Variants in NKAIN3 observed in about 807,000 individuals in gnomAD.
The protein encoded by NKAIN3 is sodium/potassium-transporting ATPase subunit beta-1-interacting protein 3.
In NKAIN3, 25 loss-of-function variants were observed where a neutral mutation model predicts 30.2. The ratio of observed to expected loss-of-function variants is 0.83; its 90% CI spans 0.60 to 1.16. The LOEUF (loss-of-function observed/expected upper bound fraction) is 1.16, where lower values mean the gene tolerates loss of function less well. NKAIN3 is among the 50% of genes most tolerant of loss of function. The pLI, the probability that NKAIN3 is intolerant of heterozygous loss-of-function variation, is 0.00. For missense variants in NKAIN3, 225 were observed against 254.1 expected (o/e 0.89, Z 0.78); for synonymous variants, 91 against 89.6 (o/e 1.02, Z -0.09).
At chr8:62,276,691 T>A (rs569510452) in intron 1 of NKAIN3, among the ~76,000 whole-genome samples, 2 of 152,344 alleles carry the variant, frequency 1.3e-5, no homozygotes, top group African/African-American at 4.8e-5. Flanking sequence ...AAAGTAATGT[T>A]CAAGAGAGTG....
At chr8:62,764,183 T>TG (rs1816763064) in intron 4 of NKAIN3, among the ~76,000 whole-genome samples, 2 of 152,338 alleles carry the variant, frequency 1.3e-5, no homozygotes, top group African/African-American at 4.8e-5. Flanking sequence ...CTGTCCAAGA[T>TG]GGTGATGTTC....
intron 1 of NKAIN3, among the ~76,000 whole-genome samples, chr8:62,292,174 G>A (rs1411574385): frequency 1.3e-5 from 2 of 149,664 alleles, no homozygotes; most frequent in Non-Finnish European, 2.9e-5. Flanking sequence ...ACACTGATGG[G>A]TCTTGACTCT....
intron 4 of NKAIN3, among the ~76,000 whole-genome samples, chr8:62,846,064 A>T (rs942547020): frequency 4.6e-5 from 7 of 152,160 alleles, no homozygotes; most frequent in Non-Finnish European, 8.8e-5. Flanking sequence ...AATCTCAATT[A>T]GAACTTGAAT....
chr8:62,915,507 G>C (rs150482779), intron 4 of NKAIN3, among the ~76,000 whole-genome samples: 1 of 152,154 alleles, frequency 6.6e-6, no homozygotes, highest in African/African-American at 2.4e-5. Context: ...CTTGATTTTA[G>C]CCTCGTAAGG....
chr8:62,513,317 C>T lies in NKAIN3; in HGVS notation c.55-66222C>T, dbSNP rs141053516. ...GACTGAAGCTAAATGCAACTATCTC[C>T]GTCAGCAAAATAGACCCAGTTGCTG... On this transcript the variant is annotated intron_variant, in intron 1 of 6. Transcript: ENST00000623646. Among the ~76,000 whole-genome samples the T allele has an allele frequency of 3.2e-3, 478 of 151,374 alleles. 2 individuals carry two copies. Among genetic ancestry groups the T allele is most frequent in the African/African-American group, 0.011 (451 of 41,222 alleles).
At chr8:62,607,984 C>T (rs896163766) in intron 3 of NKAIN3, among the ~76,000 whole-genome samples, 2 of 152,098 alleles carry the variant, frequency 1.3e-5, no homozygotes, top group African/African-American at 4.8e-5. Flanking sequence ...TATTCCTAAT[C>T]TGAAATCACA....
chr8:62,744,949 T>C (rs907731339), intron 3 of NKAIN3, among the ~76,000 whole-genome samples: 1 of 152,246 alleles, frequency 6.6e-6, no homozygotes, highest in African/African-American at 2.4e-5. Flanking sequence ...CTTATAATGA[T>C]ACTTTGAATT....
intron 3 of NKAIN3, among the ~76,000 whole-genome samples, chr8:62,597,135 C>A (rs535913616): frequency 6.6e-6 from 1 of 152,156 alleles, no homozygotes; most frequent in South Asian, 2.1e-4. Context: ...TCAGGTATGC[C>A]ACGGGTTGCA....
At chr8:62,807,176 G>A (rs1038166) in intron 4 of NKAIN3, among the ~76,000 whole-genome samples, 26,416 of 152,020 alleles carry the variant, frequency 0.17, 2,487 homozygotes, top group East Asian at 0.29. Context: ...TATTTCAAGC[G>A]AATAGAAAAT....
chr8:62,863,918 G>C (rs985194001), intron 4 of NKAIN3: 11 of 1,224,396 alleles, frequency 9.0e-6, no homozygotes, highest in Non-Finnish European at 1.2e-5. Flanking sequence ...TCCTCCTTTG[G>C]CTCTGGTGGT....
intron 1 of NKAIN3, among the ~76,000 whole-genome samples, chr8:62,322,682 T>C (rs1814976542): frequency 1.3e-5 from 2 of 152,328 alleles, no homozygotes; most frequent in South Asian, 4.1e-4. Context: ...TTCTAAGTTG[T>C]AAAGATCTTG....
At chr8:62,586,483 T>C (rs1174118582) in intron 2 of NKAIN3, among the ~76,000 whole-genome samples, 2 of 152,154 alleles carry the variant, frequency 1.3e-5, no homozygotes, top group African/African-American at 4.8e-5. Context: ...TGTCTTTTTT[T>C]CCCCTTTACT....
At chr8:62,408,927 T>C (rs1045837147) in intron 1 of NKAIN3, among the ~76,000 whole-genome samples, 1 of 152,196 alleles carries the variant, frequency 6.6e-6, no homozygotes, top group African/African-American at 2.4e-5. Flanking sequence ...GATGTAGTGT[T>C]TATTTTGAGT....
At chr8:62,354,152 C>T (rs1290862152) in intron 1 of NKAIN3, among the ~76,000 whole-genome samples, 4 of 152,106 alleles carry the variant, frequency 2.6e-5, no homozygotes, top group African/African-American at 7.2e-5. Context: ...AGAAAAACAA[C>T]GTTGTGATTA....
chr8:62,282,616 T>C (rs1317834137), intron 1 of NKAIN3, among the ~76,000 whole-genome samples: 1 of 152,194 alleles, frequency 6.6e-6, no homozygotes. Flanking sequence ...CATATGCCCC[T>C]TTGTATAATG....
chr8:62,809,425 A>T (rs184656912), intron 4 of NKAIN3, among the ~76,000 whole-genome samples: 1 of 152,302 alleles, frequency 6.6e-6, no homozygotes, highest in African/African-American at 2.4e-5. Context: ...GAAATTATAA[A>T]AGTACTAATT....
chr8:62,785,903 G>C (rs992982355), intron 4 of NKAIN3, among the ~76,000 whole-genome samples: 5 of 152,080 alleles, frequency 3.3e-5, no homozygotes, highest in African/African-American at 4.8e-5. Flanking sequence ...CTTTAGATAG[G>C]CAATTAAAGT....
At chr8:62,849,229 C>G (rs958925010) in intron 4 of NKAIN3, among the ~76,000 whole-genome samples, 2 of 149,988 alleles carry the variant, frequency 1.3e-5, no homozygotes, top group African/African-American at 4.9e-5. Flanking sequence ...TAGTTTCAGT[C>G]GGAGTGGTAC....
At chr8:62,611,845 G>T (rs970189783) in intron 3 of NKAIN3, among the ~76,000 whole-genome samples, 9 of 152,014 alleles carry the variant, frequency 5.9e-5, no homozygotes, top group Admixed American at 2.6e-4. Flanking sequence ...TCAATTTTTA[G>T]TTTTTTGAGG....
Sources: gnomAD v4.1 joint callset for allele counts (sites outside exome capture counted in the v4.1 genomes callset) on GRCh38, gnomAD v4.1.1 for gene constraint, MANE v1.5 for transcripts, NCBI Gene and HGNC (gene_info 2026-07-23, HGNC 2026-07-21) for gene names.